RINT1: variants seen among roughly 807,000 people sequenced by gnomAD.
RINT1 encodes the protein RAD50 interactor 1, also known as RAD50-interacting protein 1.
A neutral mutation model predicts 97.7 loss-of-function variants in RINT1; 75 were observed. That is an observed-to-expected ratio of 0.77 (90% CI 0.64 to 0.93). RINT1 has a LOEUF of 0.93. Ranked by LOEUF, RINT1 falls within the 40% of genes least tolerant of loss-of-function variation. The probability of loss-of-function intolerance (pLI) is 0.00; values close to 1 mark genes in which losing one functional copy is unlikely to be tolerated. For synonymous variants in RINT1, 303 were observed against 326.3 expected (o/e 0.93, Z 0.77); for missense variants, 892 against 925.2 (o/e 0.96, Z 0.47).
chr7:105,537,745 A>G (rs1362114369), intron 3 of RINT1, among the ~76,000 whole-genome samples: 1 of 151,592 alleles, frequency 6.6e-6, no homozygotes, highest in South Asian at 2.1e-4. Context: ...CTGAGGCAGG[A>G]GAATCGCTTG....
intron 3 of RINT1, among the ~76,000 whole-genome samples, chr7:105,537,490 C>T (rs1034929060): frequency 2.6e-5 from 4 of 151,572 alleles, no homozygotes; most frequent in East Asian, 1.9e-4. Flanking sequence ...AGAAGTATAA[C>T]GTAACGGTTA....
chr7:105,537,362 G>A (rs548884042), intron 3 of RINT1, among the ~76,000 whole-genome samples: 13 of 151,592 alleles, frequency 8.6e-5, no homozygotes, highest in African/African-American at 9.7e-5. Context: ...ACTCCTGACC[G>A]CAGGTGATCC....
intron 2 of RINT1, among the ~76,000 whole-genome samples, chr7:105,536,296 C>A (rs1790229572): frequency 6.6e-6 from 1 of 151,946 alleles, no homozygotes; most frequent in Admixed American, 6.6e-5. Context: ...ATAGCTGGGA[C>A]TACAGGCCTG....
rs1439790791 is a variant in RINT1 at position 105,547,093 on chromosome 7, T to G, written c.689+10T>G. The G allele has an allele frequency of 6.2e-7, 1 of 1,613,358 alleles. No homozygotes were observed. The highest frequency in any genetic ancestry group is 8.5e-7 in the Non-Finnish European group (1 of 1,179,498). On this transcript the variant is annotated intron_variant, in intron 5 of 14. Transcript: ENST00000257700. ...AGGACAAGCTTACAAGGTAGGGAAT[T>G]TACCCATATTTTGTGGTAATTGCTT...
At chr7:105,566,115 C>CA (rs5886358) in intron 14 of RINT1, among the ~76,000 whole-genome samples, 52 of 147,844 alleles carry the variant, frequency 3.5e-4, no homozygotes, top group African/African-American at 8.4e-4. Flanking sequence ...CTAAAAATAC[C>CA]AAAAAAAAAA....
In RINT1 at chr7:105,567,125, A is replaced by G. The variant is rs758183598; in HGVS notation, c.2193A>G (p.Lys731=). Residue 731 remains lysine (K), a synonymous_variant, in exon 15 of 15, where the codon AAA becomes AAG. Transcript: ENST00000257700. ...KRPENYFKHI[K]EACIVLNLNV... is the part of the protein sequence containing the mutation. Reference sequence around the variant, plus strand: ...CTTTGTTTTCCCTAAACAGTATAAAAGAAGCCTGTATTGTTTTGAATTTGA... The same window carrying G: ...CTTTGTTTTCCCTAAACAGTATAAAGGAAGCCTGTATTGTTTTGAATTTGA... The G allele has an allele frequency of 2.4e-5, 37 of 1,558,758 alleles. No homozygotes were observed. Among genetic ancestry groups the G allele is most frequent in the East Asian group, 2.0e-4 (9 of 43,966 alleles).
chr7:105,539,589 A>C (rs192596400), intron 3 of RINT1, among the ~76,000 whole-genome samples: 1 of 150,650 alleles, frequency 6.6e-6, no homozygotes, highest in Non-Finnish European at 1.5e-5. Context: ...CAAACTCCCA[A>C]CCTCAGGTGA....
At chr7:105,558,395 C>T (rs1791282365) in intron 11 of RINT1, among the ~76,000 whole-genome samples, 1 of 152,136 alleles carries the variant, frequency 6.6e-6, no homozygotes, top group Non-Finnish European at 1.5e-5. Flanking sequence ...TCTCAGCACC[C>T]CCACAGCTCC....
chr7:105,548,249 A>G (rs1455195639), intron 6 of RINT1, among the ~76,000 whole-genome samples: 2 of 151,548 alleles, frequency 1.3e-5, no homozygotes, highest in East Asian at 3.9e-4. Context: ...GGCACGTCTC[A>G]AATTCCTGTG....
intron 12 of RINT1, 133 bp downstream of exon 12, chr7:105,564,080 A>C (rs1020951792): frequency 3.1e-6 from 2 of 652,730 alleles, no homozygotes; most frequent in African/African-American, 3.6e-5. Flanking sequence ...AAATATTTCT[A>C]AAGTATGTTC....
intron 14 of RINT1, 46 bp downstream of exon 14, chr7:105,565,694 C>G: frequency 7.7e-7 from 1 of 1,292,550 alleles, no homozygotes; most frequent in Non-Finnish European, 1.1e-6. Context: ...CAAATTGTTA[C>G]AGGAGGCTAA....
At chr7:105,542,753 AATAAT>A in intron 4 of RINT1, 104 bp downstream of exon 4, 3 of 1,142,550 alleles carry the variant, frequency 2.6e-6, no homozygotes, top group Non-Finnish European at 3.5e-6. Context: ...TAAAGATTAT[AATAAT>A]ATAATTTTAC....
At chr7:105,544,527 C>T (rs936550329) in intron 4 of RINT1, among the ~76,000 whole-genome samples, 27 of 152,054 alleles carry the variant, frequency 1.8e-4, no homozygotes, top group Non-Finnish European at 3.1e-4. Flanking sequence ...CTCCACCTCC[C>T]GGGTTCAAGC....
Position 105,558,660 on chromosome 7 carries a change from C to T in RINT1, c.1671+3433C>T, listed in dbSNP as rs372815472. Among the ~76,000 whole-genome samples the T allele has an allele frequency of 2.6e-5, 4 of 152,110 alleles. No homozygotes were observed. The East Asian group carries it at 7.8e-4, about 29-fold the overall frequency. ...GCAACATGGTGAGACCTCATCTCTACAAAAAATACAAAAAATTAGCTGAGC... is the reference window on the plus strand; with the variant it reads ...GCAACATGGTGAGACCTCATCTCTATAAAAAATACAAAAAATTAGCTGAGC... On this transcript the variant is annotated intron_variant, in intron 11 of 14. Coordinates refer to ENST00000257700, the MANE Select transcript of RINT1 (RefSeq NM_021930.6).
intron 4 of RINT1, among the ~76,000 whole-genome samples, chr7:105,544,950 A>G (rs771827677): frequency 1.3e-5 from 2 of 150,610 alleles, no homozygotes; most frequent in Non-Finnish European, 3.0e-5. Context: ...TTTTTTTATA[A>G]TGGCCTATTT....
intron 3 of RINT1, among the ~76,000 whole-genome samples, chr7:105,540,674 A>G (rs967016831): frequency 2.6e-5 from 4 of 152,132 alleles, no homozygotes; most frequent in Non-Finnish European, 4.4e-5. Flanking sequence ...CTGGGATTAC[A>G]GGTGTGAGCC....
At chr7:105,556,069 C>T (rs1791167089) in intron 11 of RINT1, among the ~76,000 whole-genome samples, 1 of 143,092 alleles carries the variant, frequency 7.0e-6, no homozygotes, top group Middle Eastern at 3.7e-3. Flanking sequence ...CACTCAACTT[C>T]TTTTTTTTTT....
intron 11 of RINT1, among the ~76,000 whole-genome samples, chr7:105,557,800 CTCA>C (rs1791249216): frequency 6.6e-6 from 1 of 151,962 alleles, no homozygotes; most frequent in African/African-American, 2.4e-5. Flanking sequence ...AATAAATATA[CTCA>C]TCATAGATAT....
chr7:105,564,522 A>G (rs996372055), intron 12 of RINT1, among the ~76,000 whole-genome samples: 18 of 152,328 alleles, frequency 1.2e-4, no homozygotes, highest in Middle Eastern at 3.4e-3. Flanking sequence ...GGTACTCTGC[A>G]TACTTTTGTT....
Sources: allele counts gnomAD v4.1 joint callset (sites outside exome capture counted in the v4.1 genomes callset), GRCh38; gene constraint gnomAD v4.1.1; transcripts MANE v1.5; gene names NCBI Gene and HGNC (gene_info 2026-07-23, HGNC 2026-07-21).